Variants in FSTL1 observed in about 807,000 individuals in gnomAD.
The protein encoded by FSTL1 is follistatin-related protein 1.
In FSTL1, 24 loss-of-function variants were observed where a neutral mutation model predicts 45.9. The observed-to-expected ratio is 0.52, with a 90% CI of 0.38 to 0.74. The LOEUF is 0.74. Ranked by LOEUF, FSTL1 falls within the 30% of genes least tolerant of loss-of-function variation. The pLI, the probability that FSTL1 is intolerant of heterozygous loss-of-function variation, is 0.00. For synonymous variants in FSTL1, 120 were observed against 137.6 expected (o/e 0.87, Z 0.89); for missense variants, 340 against 381.8 (o/e 0.89, Z 0.91).
intron 2 of FSTL1, among the ~76,000 whole-genome samples, 169 bp downstream of exon 2, chr3:120,450,515 A>G (rs532144693): frequency 3.3e-5 from 5 of 152,052 alleles, no homozygotes; most frequent in Non-Finnish European, 7.4e-5. Flanking sequence ...TTAAAGATTT[A>G]AGTTTCGTAA....
chr3:120,408,703 C>G (rs945639538), intron 6 of FSTL1, among the ~76,000 whole-genome samples: 1 of 151,922 alleles, frequency 6.6e-6, no homozygotes, highest in Non-Finnish European at 1.5e-5. Context: ...GGATGTGTCT[C>G]TGTGTGGCAT....
At chr3:120,424,031 C>T (rs1338899063) in intron 2 of FSTL1, 2 of 152,148 alleles carry the variant, frequency 1.3e-5, no homozygotes, top group Non-Finnish European at 2.9e-5. Flanking sequence ...TCAGTAATGG[C>T]CAAGGAAAAT....
At chr3:120,398,978 A>G (rs746660665) in intron 10 of FSTL1, among the ~76,000 whole-genome samples, 14 of 152,222 alleles carry the variant, frequency 9.2e-5, no homozygotes, top group Admixed American at 3.3e-4. Flanking sequence ...AGTGACAATG[A>G]TGACAAAATG....
chr3:120,409,713 T>C (rs781187030), intron 5 of FSTL1, 51 bp from the exon 6 acceptor site: 3 of 1,593,618 alleles, frequency 1.9e-6, no homozygotes, highest in Non-Finnish European at 2.6e-6. Flanking sequence ...AGGACCCCAG[T>C]GATATCTGGC....
At chr3:120,428,962 G>A (rs1937431571) in intron 2 of FSTL1, among the ~76,000 whole-genome samples, 1 of 152,214 alleles carries the variant, frequency 6.6e-6, no homozygotes, top group Non-Finnish European at 1.5e-5. Flanking sequence ...GCAGACAGAT[G>A]TAATTAGAAG....
At chr3:120,432,097 A>G (rs961346302) in intron 2 of FSTL1, among the ~76,000 whole-genome samples, 1 of 152,194 alleles carries the variant, frequency 6.6e-6, no homozygotes, top group African/African-American at 2.4e-5. Flanking sequence ...TTAGCTAAAT[A>G]TGCTTTTTTG....
chr3:120,404,077 CT>C (rs1936899825), intron 7 of FSTL1, among the ~76,000 whole-genome samples: 1 of 151,958 alleles, frequency 6.6e-6, no homozygotes, highest in African/African-American at 2.4e-5. Context: ...CTCAAATGGA[CT>C]TGAGTTAGTT....
intron 2 of FSTL1, among the ~76,000 whole-genome samples, chr3:120,420,887 C>G (rs1254070595): frequency 6.6e-6 from 1 of 152,188 alleles, no homozygotes; most frequent in African/African-American, 2.4e-5. Flanking sequence ...TTCCACTAAA[C>G]CACTCTACCT....
intron 7 of FSTL1, among the ~76,000 whole-genome samples, chr3:120,403,657 C>T (rs1004342633): frequency 3.9e-5 from 6 of 152,090 alleles, no homozygotes; most frequent in African/African-American, 1.4e-4. Flanking sequence ...TGCCTGCATA[C>T]CTTCCACTAG....
chr3:120,411,147 G>C lies in FSTL1; in HGVS notation c.299-163C>G, dbSNP rs2107654886. 3 of 567,820 alleles carry C rather than the reference G, an allele frequency of 5.3e-6. No homozygotes were observed. The South Asian group carries it at 6.2e-5, about 12-fold the overall frequency. The allele number at this position is 567,820 out of a possible 1,614,324, so 35.2% of individuals were successfully genotyped here. A position where few individuals can be genotyped will look rare whatever the true frequency, so the allele number is the denominator to read the frequency against. ...CTTCCTTTCCTTCTTCTAGGGCCCA[G>C]GTATGAGGATCTTCTGTCTCCTGCT... On this transcript the variant is annotated intron_variant, in intron 4 of 10. Coordinates refer to ENST00000295633, the MANE Select transcript of FSTL1 (RefSeq NM_007085.5).
chr3:120,450,837 G>T, intron 1 of FSTL1, 60 bp downstream of exon 1: 1 of 911,174 alleles, frequency 1.1e-6, no homozygotes, highest in Non-Finnish European at 1.6e-6. Context: ...CGCTCCGGCC[G>T]CCCAAGCACC....
In FSTL1 at chr3:120,409,648, A is replaced by G. The variant is rs749566379; in HGVS notation, c.346T>C (p.Ser116Pro). ...CGACGTCGGAGCTCATCACGGTTGG[A>G]CTGATAGCAAACAACTGCAGGAAAG... is the stretch of plus-strand genomic sequence containing the variant. ...PSASPVVCYQSNRDELRRRII... is the reference protein window; with the variant it reads ...PSASPVVCYQPNRDELRRRII... The change falls in exon 6 of 11, where the codon TCC (serine) becomes CCC (proline). Residue 116 changes from serine (S) to proline (P), a missense_variant. Ser to Pro is a moderately conservative substitution (Grantham distance 74). Transcript: ENST00000295633. The G allele has an allele frequency of 6.2e-7, 1 of 1,614,080 alleles. No homozygotes were observed. The highest frequency in any genetic ancestry group is 1.7e-5 in the Admixed American group (1 of 60,014).
At chr3:120,399,848 G>GC in intron 10 of FSTL1, 35 bp downstream of exon 10, 2 of 1,452,096 alleles carry the variant, frequency 1.4e-6, no homozygotes, top group South Asian at 2.4e-5. Context: ...GATGGCAACA[G>GC]CAACACCTGA....
chr3:120,405,428 T>C (rs911851976), intron 6 of FSTL1, among the ~76,000 whole-genome samples: 4 of 152,232 alleles, frequency 2.6e-5, no homozygotes, highest in African/African-American at 9.6e-5. Flanking sequence ...GCAATGCAGA[T>C]GACCCTCTGA....
intron 10 of FSTL1, among the ~76,000 whole-genome samples, chr3:120,397,353 T>C (rs1257837037): frequency 6.6e-6 from 1 of 152,214 alleles, no homozygotes; most frequent in Non-Finnish European, 1.5e-5. Flanking sequence ...GTACAACAGG[T>C]TCTGGAGGCA....
At chr3:120,415,865 C>T (rs937713496) in intron 3 of FSTL1, 58 bp downstream of exon 3, 189 of 977,516 alleles carry the variant, frequency 1.9e-4, no homozygotes, top group Non-Finnish European at 2.8e-4. Context: ...TGGGTGGCTC[C>T]GCAAGGTACC....
At chr3:120,408,755 TTTTGAG>T (rs763557829) in intron 6 of FSTL1, among the ~76,000 whole-genome samples, 17 of 152,062 alleles carry the variant, frequency 1.1e-4, no homozygotes, top group Admixed American at 2.0e-4. Flanking sequence ...GTCTGGCATG[TTTTGAG>T]TTTAAGTGTG....
chr3:120,424,795 GTC>G (rs1169159151), intron 2 of FSTL1, among the ~76,000 whole-genome samples: 2 of 152,138 alleles, frequency 1.3e-5, no homozygotes, highest in Admixed American at 6.5e-5. Context: ...TTGGTTGTGT[GTC>G]TCTATCAGAA....
intron 2 of FSTL1, among the ~76,000 whole-genome samples, chr3:120,417,035 T>C (rs570814938): frequency 1.8e-4 from 27 of 152,326 alleles, no homozygotes; most frequent in Admixed American, 1.5e-3. Flanking sequence ...CTTCTCATCC[T>C]GACTGGCTGG....
Sources: allele counts gnomAD v4.1 joint callset (sites outside exome capture counted in the v4.1 genomes callset), GRCh38; gene constraint gnomAD v4.1.1; transcripts MANE v1.5; gene names NCBI Gene and HGNC (gene_info 2026-07-23, HGNC 2026-07-21).